The following CMSS1 variants were observed in gnomAD, a reference collection of about 807,000 sequenced individuals.
The protein encoded by CMSS1 is cms1 ribosomal small subunit homolog.
Under a neutral mutation model 43.5 loss-of-function variants are expected in CMSS1, and 33 were observed. The ratio of observed to expected loss-of-function variants is 0.76; its 90% CI spans 0.57 to 1.01. The LOEUF (loss-of-function observed/expected upper bound fraction) is 1.01. Among genes scored for constraint, CMSS1 ranks in the 50% least tolerant of loss-of-function variants. The pLI, the probability that CMSS1 is intolerant of heterozygous loss-of-function variation, is 0.00. For synonymous variants in CMSS1, 115 were observed against 117.2 expected (o/e 0.98, Z 0.12); for missense variants, 313 against 326.4 (o/e 0.96, Z 0.32).
At chr3:100,062,407 G>T (rs148431761) in intron 1 of CMSS1, among the ~76,000 whole-genome samples, 7 of 151,860 alleles carry the variant, frequency 4.6e-5, no homozygotes, top group Admixed American at 2.0e-4. Context: ...CACCGCGCCC[G>T]GTCTATCCTG....
chr3:100,011,849 C>G (rs1710166202), intron 1 of CMSS1: 1 of 152,138 alleles, frequency 6.6e-6, no homozygotes, highest in Admixed American at 6.5e-5. Flanking sequence ...TAAATAGATA[C>G]TCATATCAGA....
In CMSS1 at chr3:99,839,907, T is replaced by C. The variant is rs78315122; in HGVS notation, c.64+21864T>C. On this transcript the variant is annotated intron_variant, in intron 1 of 9. Coordinates refer to ENST00000421999, the MANE Select transcript of CMSS1 (RefSeq NM_032359.4). ...AGTTGTCAGATTTTTCCCACAGTGTTATATAAGAGTGGAACTCTTATAGAG... is the reference window on the plus strand; with the variant it reads ...AGTTGTCAGATTTTTCCCACAGTGTCATATAAGAGTGGAACTCTTATAGAG... 7.7e-4 allele frequency among the ~76,000 whole-genome samples: 118 copies of C among 152,322 alleles called. 3 individuals carry two copies. In the East Asian group the frequency reaches 0.022, roughly 29 times the overall value.
chr3:100,077,670 CA>C (rs1442787536), intron 1 of CMSS1, among the ~76,000 whole-genome samples: 4 of 152,128 alleles, frequency 2.6e-5, no homozygotes, highest in Non-Finnish European at 5.9e-5. Flanking sequence ...CACCTATAAT[CA>C]CAGTGAGGTG....
chr3:99,935,184 A>T (rs1214014465), intron 1 of CMSS1, among the ~76,000 whole-genome samples: 2 of 151,940 alleles, frequency 1.3e-5, no homozygotes, highest in African/African-American at 4.8e-5. Context: ...TTTTTAATGC[A>T]TCTGTGCTTG....
intron 1 of CMSS1, among the ~76,000 whole-genome samples, chr3:100,132,997 T>C (rs1468053112): frequency 6.6e-6 from 1 of 152,120 alleles, no homozygotes; most frequent in Non-Finnish European, 1.5e-5. Context: ...ACTTATAAAT[T>C]GACCCAAAAG....
intron 1 of CMSS1, chr3:99,848,976 C>T (rs779863867): frequency 6.2e-7 from 1 of 1,613,914 alleles, no homozygotes; most frequent in Non-Finnish European, 8.5e-7. Context: ...TATGAAGTGG[C>T]TGCCCAGGTG....
intron 1 of CMSS1, among the ~76,000 whole-genome samples, chr3:99,979,690 A>G (rs184053030): frequency 2.0e-5 from 3 of 152,346 alleles, no homozygotes; most frequent in Admixed American, 2.0e-4. Context: ...TTAAAATACC[A>G]TTAGCTTTTT....
chr3:100,157,686 T>G (rs2066987891), intron 2 of CMSS1, among the ~76,000 whole-genome samples: 1 of 152,192 alleles, frequency 6.6e-6, no homozygotes, highest in South Asian at 2.1e-4. Context: ...GCCTCTGCCC[T>G]TTCTCCCCTG....
chr3:99,827,580 G>A (rs2107479570), intron 1 of CMSS1, among the ~76,000 whole-genome samples: 1 of 152,264 alleles, frequency 6.6e-6, no homozygotes, highest in South Asian at 2.1e-4. Context: ...TCCCATAGAA[G>A]TGTCAACATT....
At chr3:100,139,972 A>G (rs972814843) in intron 1 of CMSS1, among the ~76,000 whole-genome samples, 4 of 152,116 alleles carry the variant, frequency 2.6e-5, no homozygotes, top group African/African-American at 9.7e-5. Context: ...TACTTACCCT[A>G]TGTCCTTTAC....
chr3:100,054,615 A>C (rs1371663677), intron 1 of CMSS1, among the ~76,000 whole-genome samples: 1 of 151,970 alleles, frequency 6.6e-6, no homozygotes, highest in East Asian at 1.9e-4. Context: ...ACTTGGGAAT[A>C]CAACGTGAAT....
At chr3:100,095,135 A>G (rs1022757572) in intron 1 of CMSS1, among the ~76,000 whole-genome samples, 1 of 152,264 alleles carries the variant, frequency 6.6e-6, no homozygotes, top group East Asian at 1.9e-4. Context: ...CTTGATTACT[A>G]TAGTTAAAAA....
chr3:100,051,757 G>C (rs925714018), intron 1 of CMSS1, among the ~76,000 whole-genome samples: 1 of 151,338 alleles, frequency 6.6e-6, no homozygotes, highest in African/African-American at 2.4e-5. Flanking sequence ...GTCGATCATT[G>C]TTGGACATTT....
At chr3:99,966,127 T>G (rs1341320927) in intron 1 of CMSS1, among the ~76,000 whole-genome samples, 2 of 152,220 alleles carry the variant, frequency 1.3e-5, no homozygotes, top group Non-Finnish European at 2.9e-5. Context: ...CAATATCTCT[T>G]AGGAAAGGTA....
At chr3:99,964,230 A>C (rs138115384) in intron 1 of CMSS1, 1 of 152,332 alleles carries the variant, frequency 6.6e-6, no homozygotes, top group African/African-American at 2.4e-5. Context: ...TTTATTTATC[A>C]ATATTTATCT....
At chr3:99,932,289 G>A (rs1231303485) in intron 1 of CMSS1, among the ~76,000 whole-genome samples, 1 of 151,934 alleles carries the variant, frequency 6.6e-6, no homozygotes, top group African/African-American at 2.4e-5. Context: ...GCTGAACAAT[G>A]TATAGTATTA....
chr3:100,044,610 G>A (rs2065251861), intron 1 of CMSS1, among the ~76,000 whole-genome samples: 1 of 152,170 alleles, frequency 6.6e-6, no homozygotes, highest in African/African-American at 2.4e-5. Context: ...AGGTAGTGAA[G>A]CCAGATTATA....
chr3:99,855,341 G>A (rs1943910708), intron 1 of CMSS1, among the ~76,000 whole-genome samples: 1 of 152,148 alleles, frequency 6.6e-6, no homozygotes, highest in African/African-American at 2.4e-5. Context: ...AATGATTTTA[G>A]TTCCAATTTG....
At chr3:99,882,962 A>G (rs1705776610) in intron 1 of CMSS1, among the ~76,000 whole-genome samples, 1 of 152,192 alleles carries the variant, frequency 6.6e-6, no homozygotes, top group South Asian at 2.1e-4. Flanking sequence ...CTTTTAATAT[A>G]AATTTCTGTG....
Sources: gnomAD v4.1 joint callset for allele counts (sites outside exome capture counted in the v4.1 genomes callset) on GRCh38, gnomAD v4.1.1 for gene constraint, MANE v1.5 for transcripts, NCBI Gene and HGNC (gene_info 2026-07-23, HGNC 2026-07-21) for gene names.